SMCHD1: variants seen among roughly 807,000 people sequenced by gnomAD.
SMCHD1 encodes the protein structural maintenance of chromosomes flexible hinge domain containing 1, also known as structural maintenance of chromosomes flexible hinge domain-containing protein 1.
SMCHD1 carries 78 observed loss-of-function variants against 254.7 expected under a neutral mutation model. That is an observed-to-expected ratio of 0.31 (90% CI 0.26 to 0.37). The LOEUF (loss-of-function observed/expected upper bound fraction) is 0.37. Among genes scored for constraint, SMCHD1 ranks in the 10% least tolerant of loss-of-function variants. The pLI is 1.00. For synonymous variants in SMCHD1, 766 were observed against 794.9 expected, an observed-to-expected ratio of 0.96 and a Z score of 0.61; for missense variants, 1,840 against 2,408.1, an observed-to-expected ratio of 0.76 and a Z score of 4.94.
chr18:2,793,672 G>GAAAAA (rs77607786), intron 45 of SMCHD1, among the ~76,000 whole-genome samples: 2 of 65,878 alleles, frequency 3.0e-5, no homozygotes, highest in Admixed American at 1.6e-4. Context: ...AAAAAAAAAA[G>GAAAAA]AAAGAAAACA....
At chr18:2,711,044 G>A (rs532073223) in intron 17 of SMCHD1, among the ~76,000 whole-genome samples, 171 of 151,934 alleles carry the variant, frequency 1.1e-3, no homozygotes, top group African/African-American at 3.7e-3. Flanking sequence ...CGGCACAGTC[G>A]TGGCTTACTG....
At chr18:2,763,324 A>AAT (rs1287366087) in intron 36 of SMCHD1, among the ~76,000 whole-genome samples, 2 of 152,220 alleles carry the variant, frequency 1.3e-5, no homozygotes, top group East Asian at 3.8e-4. Context: ...AGTTTATAAT[A>AAT]ACTTATTAAG....
At chr18:2,699,277 A>T (rs1441891073) in intron 10 of SMCHD1, among the ~76,000 whole-genome samples, 1 of 96,844 alleles carries the variant, frequency 1.0e-5, no homozygotes, top group Non-Finnish European at 2.5e-5. Context: ...GCTCAACACT[A>T]TTTATTAAGT....
Position 2,729,382 on chromosome 18 carries a change from G to A in SMCHD1, c.3021G>A (p.Gln1007=). The change falls in exon 24 of 48, where the codon CAG becomes CAA. Residue 1007 remains glutamine (Q), a synonymous_variant. Transcript: ENST00000320876. ...AIQVQNIKKD[Q]TLKARIEIPS... is the part of the protein sequence containing the mutation. ...AAGTTCAGAATATTAAAAAAGACCA[G>A]ACGCTTAAAGCAAGAATTGAAATAC... is the stretch of plus-strand genomic sequence containing the variant. The A allele has an allele frequency of 6.5e-7, 1 of 1,538,684 alleles. No individual in the cohort carries two copies. The highest frequency in any genetic ancestry group is 2.4e-5 in the East Asian group (1 of 41,730).
At chr18:2,761,105 T>G (rs2075775247) in intron 35 of SMCHD1, among the ~76,000 whole-genome samples, 1 of 152,196 alleles carries the variant, frequency 6.6e-6, no homozygotes, top group South Asian at 2.1e-4. Context: ...AATTATGTCC[T>G]TTGCAGCAAC....
Position 2,750,432 on chromosome 18 carries a change from G to C in SMCHD1, c.4090G>C (p.Asp1364His). ...GPIIKLMILP[D>H]PEKPVRLNVK... ...TATAATTAAGTTAATGATTCTTCCA[G>C]ACCCAGAAAAACCCGTTCGTCTCAA... The change falls in exon 32 of 48, where the codon GAC becomes CAC. Residue 1364 changes from aspartate to histidine, a missense_variant. Physicochemically the swap from Asp to His is moderately conservative, Grantham distance 81. Around this residue, in one of 9 missense-constraint regions of SMCHD1, gnomAD observed 881 missense variants for 1,009.5 expected, o/e 0.87. Coordinates refer to ENST00000320876, the MANE Select transcript of SMCHD1 (RefSeq NM_015295.3). The C allele has an allele frequency of 6.2e-7, 1 of 1,612,168 alleles. No individual in the cohort carries two copies. The highest frequency in any genetic ancestry group is 8.5e-7 in the Non-Finnish European group (1 of 1,178,930).
intron 17 of SMCHD1, among the ~76,000 whole-genome samples, chr18:2,709,590 T>A (rs2074621507): frequency 6.6e-6 from 1 of 152,122 alleles, no homozygotes. Flanking sequence ...TATGAAGTGG[T>A]ATCTTACTGT....
chr18:2,666,811 T>C (rs2073453381), intron 2 of SMCHD1, 59 bp from the exon 3 acceptor site: 1 of 1,348,188 alleles, frequency 7.4e-7, no homozygotes, highest in Non-Finnish European at 1.0e-6. Flanking sequence ...TTCACAATTA[T>C]AAGTTCATTG....
chr18:2,799,598 A>G (rs1172698590), intron 47 of SMCHD1, among the ~76,000 whole-genome samples: 1 of 152,168 alleles, frequency 6.6e-6, no homozygotes, highest in African/African-American at 2.4e-5. Context: ...TTCCTTCTCT[A>G]TATGGGTCTA....
At chr18:2,694,457 G>C in intron 7 of SMCHD1, 70 bp from the exon 8 acceptor site, 1 of 1,254,540 alleles carries the variant, frequency 8.0e-7, no homozygotes, top group Non-Finnish European at 1.1e-6. Flanking sequence ...ATTAAAATTT[G>C]ATGCAATAGC....
At chr18:2,799,339 T>C (rs1468647893) in intron 47 of SMCHD1, among the ~76,000 whole-genome samples, 1 of 152,202 alleles carries the variant, frequency 6.6e-6, no homozygotes, top group Non-Finnish European at 1.5e-5. Context: ...GCAAGTACTC[T>C]GGAGCCACAC....
At chr18:2,707,391 G>A (rs1237816908) in intron 15 of SMCHD1, 172 bp from the exon 16 acceptor site, 1 of 382,920 alleles carries the variant, frequency 2.6e-6, no homozygotes, top group African/African-American at 2.1e-5. Context: ...GTAGCCACAG[G>A]AATGGTTAGG....
intron 1 of SMCHD1, among the ~76,000 whole-genome samples, chr18:2,656,659 G>C (rs2143735094): frequency 6.6e-6 from 1 of 152,348 alleles, no homozygotes; most frequent in East Asian, 1.9e-4. Context: ...GGGAGTTAAC[G>C]CCCAGGGGCT....
rs2075478758 is a variant in SMCHD1 at position 2,747,525 on chromosome 18, A to G, written c.3805A>G (p.Ile1269Val). Residue 1269 changes from isoleucine (I) to valine (V), a missense_variant, in exon 30 of 48, where the codon ATT (isoleucine) becomes GTT (valine). Around this residue, in one of 9 missense-constraint regions of SMCHD1, gnomAD observed 881 missense variants for 1,009.5 expected, o/e 0.87. Transcript: ENST00000320876. ...AAAATATTTCTATTCTTTTCAGTCCATTCCAGTGATTAATGGAAGAGATTT... is the reference window on the plus strand; with the variant it reads ...AAAATATTTCTATTCTTTTCAGTCCGTTCCAGTGATTAATGGAAGAGATTT... ...LIDWPELKES[I>V]PVINGRDLQN... The G allele has an allele frequency of 1.9e-6, 3 of 1,603,274 alleles. No homozygotes were observed. Among genetic ancestry groups the G allele is most frequent in the Non-Finnish European group, 1.7e-6 (2 of 1,172,590 alleles).
chr18:2,760,507 G>A (rs2075766599), intron 34 of SMCHD1, 145 bp from the exon 35 acceptor site: 2 of 563,930 alleles, frequency 3.5e-6, no homozygotes, highest in South Asian at 4.6e-5. Flanking sequence ...AATATTTGTT[G>A]AACGAATGAA....
intron 3 of SMCHD1, among the ~76,000 whole-genome samples, chr18:2,670,900 TAA>T (rs372225530): frequency 3.3e-4 from 38 of 116,506 alleles, no homozygotes; most frequent in Non-Finnish European, 3.1e-4. Flanking sequence ...AGACTGCATC[TAA>T]AAAAAAAAAA....
In SMCHD1 at chr18:2,728,948, A is replaced by AG. The variant is rs1281884631; in HGVS notation, c.2914-324dup. The stretch of plus-strand genomic sequence containing the variant: ...TAGCCATTCTTTATTCCTTTACTTT[A>AG]GGGAAAAAAAAAAAAAGGGAATGAT... On this transcript the variant is annotated intron_variant, in intron 23 of 47. Coordinates refer to ENST00000320876, the MANE Select transcript of SMCHD1 (RefSeq NM_015295.3). The AG allele has an allele frequency of 6.8e-4, 58 of 85,408 alleles. 1 individual carries two copies. Among genetic ancestry groups the AG allele is most frequent in the East Asian group, 4.2e-3 (23 of 5,502 alleles). The allele number at this position is 85,408 out of a possible 1,614,324, so 5.3% of individuals were successfully genotyped here.
intron 34 of SMCHD1, among the ~76,000 whole-genome samples, chr18:2,755,565 C>CTTTTTT (rs11413061): frequency 5.3e-4 from 57 of 108,160 alleles, no homozygotes; most frequent in East Asian, 8.5e-4. Flanking sequence ...TTCTTTCTTT[C>CTTTTTT]TTTTTTTTTT....
intron 35 of SMCHD1, among the ~76,000 whole-genome samples, chr18:2,761,795 G>A (rs2075790274): frequency 6.6e-6 from 1 of 152,146 alleles, no homozygotes; most frequent in South Asian, 2.1e-4. Context: ...TCCAGCCTGG[G>A]TGTCACAGTG....
Sources: allele counts gnomAD v4.1 joint callset (sites outside exome capture counted in the v4.1 genomes callset), GRCh38; gene constraint gnomAD v4.1.1; regional missense constraint gnomAD v4.1.1; transcripts MANE v1.5; gene names NCBI Gene and HGNC (gene_info 2026-07-23, HGNC 2026-07-21).